Variants in LASP1 observed in about 807,000 individuals in gnomAD.
The protein encoded by LASP1 is LIM and SH3 protein 1, also known as LIM and SH3 domain protein 1.
In LASP1, 10 loss-of-function variants were observed where a neutral mutation model predicts 38.6. The ratio of observed to expected loss-of-function variants is 0.26; its 90% CI spans 0.16 to 0.44. The LOEUF is 0.44. Among genes scored for constraint, LASP1 ranks in the 20% least tolerant of loss-of-function variants. LASP1 has a pLI of 1.00. For missense variants in LASP1, 243 were observed against 375.7 expected, an observed-to-expected ratio of 0.65 and a Z score of 2.92; for synonymous variants, 132 against 140.8, an observed-to-expected ratio of 0.94 and a Z score of 0.44.
chr17:38,884,168 T>C (rs1268566939), intron 2 of LASP1, among the ~76,000 whole-genome samples: 2 of 151,996 alleles, frequency 1.3e-5, no homozygotes, highest in Non-Finnish European at 2.9e-5. Context: ...GGCGCTGGGC[T>C]TTCGGGTTCG....
At position 38,918,644 on chromosome 17, in the gene LASP1, G is replaced by A. The variant is rs766205981; in HGVS notation, c.652G>A (p.Glu218Lys). 6.2e-6 allele frequency: 10 copies of A among 1,611,274 alleles called. No individual in the cohort carries two copies. Among genetic ancestry groups the A allele is most frequent in the Non-Finnish European group, 5.9e-6 (7 of 1,177,980 alleles). Reference sequence around the variant, plus strand: ...GGTGTATGACTACAGCGCCGCCGACGAGGACGAGGTCTCCTTCCAGGACGG... The same window carrying A: ...GGTGTATGACTACAGCGCCGCCGACAAGGACGAGGTCTCCTTCCAGGACGG... ...RAVYDYSAAD[E>K]DEVSFQDGDT... The change falls in exon 7 of 7, where the codon GAG (glutamate) becomes AAG (lysine). Residue 218 changes from glutamate to lysine, a missense_variant. This residue lies in a region of LASP1 where 165 missense variants were observed against 210.3 expected (regional missense o/e 0.78). Transcript: ENST00000318008. The surrounding 1 kb of genome is among the most constrained non-coding windows in gnomAD (Gnocchi z 4.4).
rs770712492 is a variant in LASP1, at chr17:38,914,972, T to C, written c.509-71T>C. The C allele has an allele frequency of 1.0e-5, 15 of 1,455,888 alleles. No individual in the cohort carries two copies. In the South Asian group the frequency reaches 1.2e-4, roughly 11 times the overall value. The allele number at this position is 1,455,888 out of a possible 1,614,324, so 90.2% of individuals were successfully genotyped here. A position where few individuals can be genotyped will look rare whatever the true frequency, so the allele number is the denominator to read the frequency against. ...CGGGGTGGAAGTGCATGGTATGGAC[T>C]TCTCGGGAGCTCTGGGAGGGGCTGG... On this transcript the variant is annotated intron_variant, in intron 5 of 6. Transcript: ENST00000318008.
intron 4 of LASP1, among the ~76,000 whole-genome samples, chr17:38,904,983 G>A (rs1025960672): frequency 6.6e-5 from 10 of 152,166 alleles, no homozygotes; most frequent in African/African-American, 2.2e-4. Flanking sequence ...TGCTTTTCCT[G>A]ATTTTGAACA....
chr17:38,905,891 TA>T (rs1440372241), intron 4 of LASP1, among the ~76,000 whole-genome samples: 1 of 151,644 alleles, frequency 6.6e-6, no homozygotes, highest in Non-Finnish European at 1.5e-5. Context: ...ATACCATCTC[TA>T]CAAAAAAAAG....
intron 6 of LASP1, chr17:38,916,615 A>C (rs1398185951): frequency 1.3e-5 from 2 of 151,596 alleles, no homozygotes; most frequent in African/African-American, 4.9e-5. Flanking sequence ...TAATCCCAGC[A>C]CTTTGGGAGG....
At chr17:38,914,042 T>C (rs1374514249) in intron 4 of LASP1, among the ~76,000 whole-genome samples, 1 of 151,546 alleles carries the variant, frequency 6.6e-6, no homozygotes, top group Non-Finnish European at 1.5e-5. Context: ...CACTTTGGTC[T>C]GATTCTTCAG....
Position 38,914,313 on chromosome 17 carries a change from C to T in LASP1, c.358-12C>T. 6.2e-7 allele frequency: 1 copy of T among 1,600,178 alleles called. No homozygotes were observed. Among genetic ancestry groups the T allele is most frequent in the South Asian group, 1.1e-5 (1 of 88,996 alleles). ...AGTGGGACCCTTCACCTAGTGCCTT[C>T]TGACCTTGCAGATAAAATACCATGA... On this transcript the variant is annotated splice_polypyrimidine_tract_variant and intron_variant, in intron 4 of 6. Coordinates refer to ENST00000318008, the MANE Select transcript of LASP1 (RefSeq NM_006148.4).
At chr17:38,886,558 C>CG (rs1157160319) in intron 2 of LASP1, among the ~76,000 whole-genome samples, 7 of 152,052 alleles carry the variant, frequency 4.6e-5, no homozygotes, top group African/African-American at 1.7e-4. Flanking sequence ...CTCCAGCTGT[C>CG]GGGGGCTGAG....
Position 38,883,739 on chromosome 17 carries a change from CTT to C in LASP1, c.164+5576_164+5577del, listed in dbSNP as rs60761350. Among the ~76,000 whole-genome samples the C allele has an allele frequency of 3.3e-3, 421 of 128,316 alleles. 1 individual carries two copies. The highest frequency in any genetic ancestry group is 0.012 in the Middle Eastern group (3 of 246). 84.2% of individuals were successfully genotyped at this position (128,316 alleles called of 152,430 possible). On this transcript the variant is annotated intron_variant, in intron 2 of 6. Coordinates refer to ENST00000318008, the MANE Select transcript of LASP1 (RefSeq NM_006148.4). ...CTTCTATATTACCGACAGGGGCAGG[CTT>C]TTTTTTTTTTTTTTTTCTTTTCATT... is the stretch of plus-strand genomic sequence containing the variant.
At chr17:38,916,936 G>A (rs1283688267) in intron 6 of LASP1, 8 of 152,158 alleles carry the variant, frequency 5.3e-5, no homozygotes, top group Non-Finnish European at 8.8e-5. Flanking sequence ...GCCGTGCAAC[G>A]AGGACAGGAA....
At chr17:38,898,101 C>T (rs891315392) in intron 3 of LASP1, among the ~76,000 whole-genome samples, 1 of 152,206 alleles carries the variant, frequency 6.6e-6, no homozygotes, top group Non-Finnish European at 1.5e-5. Flanking sequence ...GGCTCCGTTT[C>T]CTGATCCGTA....
At chr17:38,873,374 A>G (rs1004436050) in intron 1 of LASP1, among the ~76,000 whole-genome samples, 52 of 152,326 alleles carry the variant, frequency 3.4e-4, no homozygotes, top group African/African-American at 1.2e-3. Flanking sequence ...TCTTCACAGC[A>G]GCCTCACAAA....
chr17:38,894,943 G>C (rs1914443755), intron 3 of LASP1, among the ~76,000 whole-genome samples: 1 of 151,978 alleles, frequency 6.6e-6, no homozygotes, highest in African/African-American at 2.4e-5. Flanking sequence ...TCGTCATGTT[G>C]CCCAGGCTTG....
chr17:38,921,569 TGTGTGTGA>T lies in LASP1; in HGVS notation c.*2800_*2807del, dbSNP rs1353142243. 2.1e-5 allele frequency: 5 copies of T among 232,946 alleles called. No individual in the cohort carries two copies. In the Admixed American group the frequency reaches 2.8e-4, roughly 13 times the overall value. The allele number at this position is 232,946 out of a possible 1,614,324, so 14.4% of individuals were successfully genotyped here. On this transcript the variant is annotated 3_prime_UTR_variant, in exon 7 of 7. Coordinates refer to ENST00000318008, the MANE Select transcript of LASP1 (RefSeq NM_006148.4). ...AACATTTCATCCGTGTGTATGTGTA[TGTGTGTGA>T]GTGTGTGAAGCCGCCAGTTCATCTT... is the stretch of plus-strand genomic sequence containing the variant.
chr17:38,900,475 C>A (rs1330223124), intron 4 of LASP1, among the ~76,000 whole-genome samples: 1 of 151,514 alleles, frequency 6.6e-6, no homozygotes, highest in East Asian at 1.9e-4. Flanking sequence ...GAGATCGAGA[C>A]CATCCTGGCC....
intron 3 of LASP1, among the ~76,000 whole-genome samples, chr17:38,894,445 T>C (rs1226680783): frequency 6.6e-6 from 1 of 152,178 alleles, no homozygotes; most frequent in Non-Finnish European, 1.5e-5. Context: ...CCACCAGCTG[T>C]GTGACCTTGG....
At chr17:38,883,338 C>T (rs143486910) in intron 2 of LASP1, among the ~76,000 whole-genome samples, 1 of 152,212 alleles carries the variant, frequency 6.6e-6, no homozygotes, top group African/African-American at 2.4e-5. Flanking sequence ...CCTGATTGCA[C>T]CACAGCACTC....
chr17:38,870,300 A>T (rs769577003), intron 1 of LASP1, 42 bp downstream of exon 1: 1 of 1,603,042 alleles, frequency 6.2e-7, no homozygotes, highest in Non-Finnish European at 8.5e-7. Context: ...AATCCCCCGC[A>T]GTGCTCCGAA....
In LASP1 at chr17:38,920,462, C is replaced by A; in HGVS notation, c.*1684C>A. 1 of 268,724 alleles carries A rather than the reference C, an allele frequency of 3.7e-6. No homozygotes were observed. Among genetic ancestry groups the A allele is most frequent in the Non-Finnish European group, 7.3e-6 (1 of 137,330 alleles). The allele number at this position is 268,724 out of a possible 1,614,324, so 16.6% of individuals were successfully genotyped here. A position where few individuals can be genotyped will look rare whatever the true frequency, so the allele number is the denominator to read the frequency against. ...GTGACAACCCTGGCCTCACTTGATT[C>A]ATCTCTGGTTTTCTTGCCACCCTCT... On this transcript the variant is annotated 3_prime_UTR_variant, in exon 7 of 7. Coordinates refer to ENST00000318008, the MANE Select transcript of LASP1 (RefSeq NM_006148.4).
Sources: gnomAD v4.1 joint callset for allele counts (sites outside exome capture counted in the v4.1 genomes callset) on GRCh38, gnomAD v4.1.1 for gene constraint, gnomAD v4.1.1 regional missense constraint, Gnocchi (gnomAD v3.1) non-coding constraint, MANE v1.5 for transcripts, NCBI Gene and HGNC (gene_info 2026-07-23, HGNC 2026-07-21) for gene names.